Variants in ME3 observed in about 807,000 individuals in gnomAD.
ME3 encodes the protein malic enzyme 3, also known as NADP-dependent malic enzyme, mitochondrial.
In ME3, 48 loss-of-function variants were observed where a neutral mutation model predicts 68.9. The ratio of observed to expected loss-of-function variants is 0.70; its 90% CI spans 0.55 to 0.89. The LOEUF is 0.89. ME3 is among the 40% of genes least tolerant of loss of function. The probability of loss-of-function intolerance (pLI) is 0.00; values close to 1 mark genes in which losing one functional copy is unlikely to be tolerated. For synonymous variants in ME3, 320 were observed against 318.8 expected, an observed-to-expected ratio of 1.00 and a Z score of -0.04; for missense variants, 675 against 797.4, an observed-to-expected ratio of 0.85 and a Z score of 1.85.
intron 4 of ME3, among the ~76,000 whole-genome samples, chr11:86,532,750 A>G (rs1397083002): frequency 6.6e-6 from 1 of 152,328 alleles, no homozygotes. Flanking sequence ...TTATAGCAAT[A>G]AACTCCTACA....
chr11:86,544,174 A>G (rs1310954999), intron 4 of ME3, among the ~76,000 whole-genome samples: 2 of 152,256 alleles, frequency 1.3e-5, no homozygotes, highest in Admixed American at 6.5e-5. Context: ...AGGGAAACTT[A>G]TAGAACTAAA....
chr11:86,648,594 C>T (rs889655165), intron 2 of ME3, among the ~76,000 whole-genome samples: 6 of 151,790 alleles, frequency 4.0e-5, no homozygotes, highest in African/African-American at 7.3e-5. Context: ...TAGAACGATT[C>T]TTCTCCTTTT....
chr11:86,654,757 CAGG>C (rs1440396093), intron 2 of ME3, among the ~76,000 whole-genome samples: 1 of 152,104 alleles, frequency 6.6e-6, no homozygotes, highest in East Asian at 1.9e-4. Flanking sequence ...GGCAATCAGG[CAGG>C]AGAAGGAAAT....
At chr11:86,625,334 TA>T (rs1943594878) in intron 2 of ME3, among the ~76,000 whole-genome samples, 1 of 151,856 alleles carries the variant, frequency 6.6e-6, no homozygotes. Context: ...TAGCTGATCA[TA>T]CATCCTAGAT....
At chr11:86,465,799 T>C (rs1950448033) in intron 7 of ME3, among the ~76,000 whole-genome samples, 1 of 152,234 alleles carries the variant, frequency 6.6e-6, no homozygotes, top group African/African-American at 2.4e-5. Context: ...GGTGAAGTTG[T>C]TCTCCAACTT....
chr11:86,470,432 C>A (rs1950722019), intron 7 of ME3, among the ~76,000 whole-genome samples: 1 of 124,224 alleles, frequency 8.0e-6, no homozygotes, highest in Non-Finnish European at 1.8e-5. Flanking sequence ...CATAAAAACT[C>A]TTGGTCTTTT....
chr11:86,461,307 T>TC (rs1950213371), intron 8 of ME3, among the ~76,000 whole-genome samples: 1 of 152,080 alleles, frequency 6.6e-6, no homozygotes, highest in South Asian at 2.1e-4. Context: ...GCTGTGTTTG[T>TC]CCCCCAGTGA....
intron 4 of ME3, among the ~76,000 whole-genome samples, chr11:86,537,365 A>G (rs1027580604): frequency 2.0e-5 from 3 of 151,870 alleles, no homozygotes; most frequent in East Asian, 1.9e-4. Context: ...AATAATTGCA[A>G]ATTAAGTTTG....
intron 2 of ME3, among the ~76,000 whole-genome samples, chr11:86,593,169 T>A (rs974029237): frequency 1.2e-4 from 18 of 152,068 alleles, no homozygotes; most frequent in African/African-American, 4.4e-4. Flanking sequence ...CAAATGAATG[T>A]GGAAGACCCA....
intron 2 of ME3, among the ~76,000 whole-genome samples, chr11:86,626,017 A>T (rs1303984212): frequency 6.6e-6 from 1 of 152,206 alleles, no homozygotes; most frequent in African/African-American, 2.4e-5. Context: ...TTCACTAATT[A>T]TAGTAAATGA....
intron 7 of ME3, among the ~76,000 whole-genome samples, chr11:86,465,830 T>C (rs1950449765): frequency 6.6e-6 from 1 of 152,184 alleles, no homozygotes; most frequent in Non-Finnish European, 1.5e-5. Context: ...AAGAATCAGT[T>C]ACTGACCTTG....
At chr11:86,603,086 A>T (rs1594627652) in intron 2 of ME3, among the ~76,000 whole-genome samples, 2 of 152,376 alleles carry the variant, frequency 1.3e-5, no homozygotes, top group African/African-American at 4.8e-5. Context: ...ACAAAAGCTA[A>T]AATTGACAAG....
Position 86,627,662 on chromosome 11 carries a change from C to T in ME3, c.183+44100G>A, listed in dbSNP as rs60445398. Among the ~76,000 whole-genome samples, 881 of 151,122 alleles carry T rather than the reference C, an allele frequency of 5.8e-3. 8 individuals are homozygous for T. Among genetic ancestry groups the T allele is most frequent in the African/African-American group, 0.021 (851 of 40,402 alleles). ...TTGTGAAGTCTGCCCACTCTCCTTA[C>T]TCTGAAGGATTCAGTATCAACCTCA... On this transcript the variant is annotated intron_variant, in intron 2 of 14. Transcript: ENST00000543262.
At chr11:86,577,778 C>CT (rs1328541130) in intron 2 of ME3, among the ~76,000 whole-genome samples, 3 of 152,110 alleles carry the variant, frequency 2.0e-5, no homozygotes, top group Non-Finnish European at 4.4e-5. Context: ...ATTTTTACTG[C>CT]TTCGTTGTTT....
chr11:86,641,063 T>G (rs1001138736), intron 2 of ME3, among the ~76,000 whole-genome samples: 2 of 151,542 alleles, frequency 1.3e-5, no homozygotes, highest in Admixed American at 1.3e-4. Context: ...GAAGGGCATA[T>G]GTGAGTAGAT....
chr11:86,619,197 A>C (rs1943189313), intron 2 of ME3, among the ~76,000 whole-genome samples: 1 of 152,044 alleles, frequency 6.6e-6, no homozygotes, highest in Non-Finnish European at 1.5e-5. Flanking sequence ...AGCCAATTAA[A>C]CCTCTTTTCT....
At chr11:86,565,136 A>G (rs992506718) in intron 2 of ME3, among the ~76,000 whole-genome samples, 3 of 152,200 alleles carry the variant, frequency 2.0e-5, no homozygotes, top group African/African-American at 7.2e-5. Flanking sequence ...CAAAGCCACA[A>G]TATGATACAC....
At chr11:86,580,392 C>A (rs1565167208) in intron 2 of ME3, among the ~76,000 whole-genome samples, 1 of 152,088 alleles carries the variant, frequency 6.6e-6, no homozygotes, top group Non-Finnish European at 1.5e-5. Context: ...TATTTAAAGT[C>A]TCTTTTTAAT....
At chr11:86,459,862 A>G (rs1410685236) in intron 8 of ME3, among the ~76,000 whole-genome samples, 3 of 152,212 alleles carry the variant, frequency 2.0e-5, no homozygotes, top group African/African-American at 7.2e-5. Context: ...TTGGTGGACA[A>G]TGCAGGTCCA....
Sources: gnomAD v4.1 joint callset for allele counts (sites outside exome capture counted in the v4.1 genomes callset) on GRCh38, gnomAD v4.1.1 for gene constraint, MANE v1.5 for transcripts, NCBI Gene and HGNC (gene_info 2026-07-23, HGNC 2026-07-21) for gene names.